KCTD8: variants seen among roughly 807,000 people sequenced by gnomAD.
KCTD8 encodes BTB/POZ domain-containing protein KCTD8.
In KCTD8, 27 loss-of-function variants were observed where a neutral mutation model predicts 31.5. The observed-to-expected ratio is 0.86, with a 90% CI of 0.63 to 1.18. The LOEUF is 1.18. Ranked by LOEUF, KCTD8 falls within the 50% of genes most tolerant of loss-of-function variation. KCTD8 has a pLI of 0.00. For missense variants in KCTD8, 658 were observed against 647.7 expected, an observed-to-expected ratio of 1.02 and a Z score of -0.17; for synonymous variants, 290 against 280.0, an observed-to-expected ratio of 1.04 and a Z score of -0.36.
intron 1 of KCTD8, among the ~76,000 whole-genome samples, chr4:44,358,283 A>G (rs748200596): frequency 2.6e-5 from 4 of 152,070 alleles, no homozygotes; most frequent in Admixed American, 2.6e-4. Flanking sequence ...CATTTTCTTT[A>G]TCCAGTCTAT....
intron 1 of KCTD8, among the ~76,000 whole-genome samples, chr4:44,206,556 G>A (rs142162725): frequency 1.3e-5 from 2 of 152,260 alleles, no homozygotes; most frequent in Non-Finnish European, 2.9e-5. Flanking sequence ...GTGACCCAAG[G>A]GCTGCGTAAA....
In KCTD8 at chr4:44,177,140, T is replaced by C. The variant is rs142652286; in HGVS notation, c.962-1890A>G. Among the ~76,000 whole-genome samples the C allele has an allele frequency of 2.8e-3, 432 of 152,320 alleles. 3 individuals carry two copies. Among genetic ancestry groups the C allele is most frequent in the South Asian group, 5.8e-3 (28 of 4,822 alleles). ...AAAATGCACTGCTAACACTCTGTGC[T>C]GGACTTACCCAGATCCATTCTCTAT... On this transcript the variant is annotated intron_variant, in intron 1 of 1. Transcript: ENST00000360029.
chr4:44,177,142 G>A (rs1713240721), intron 1 of KCTD8, among the ~76,000 whole-genome samples: 1 of 152,096 alleles, frequency 6.6e-6, no homozygotes, highest in South Asian at 2.1e-4. Context: ...CTCTGTGCTG[G>A]ACTTACCCAG....
chr4:44,217,306 T>C (rs930645396), intron 1 of KCTD8, among the ~76,000 whole-genome samples: 8 of 152,126 alleles, frequency 5.3e-5, no homozygotes, highest in African/African-American at 1.9e-4. Context: ...TAACAGGCCA[T>C]AGAAATAAGT....
intron 1 of KCTD8, among the ~76,000 whole-genome samples, chr4:44,336,083 G>A (rs1482537934): frequency 1.4e-5 from 2 of 142,418 alleles, no homozygotes; most frequent in Non-Finnish European, 3.0e-5. Flanking sequence ...CCGGGAGGCG[G>A]AGCTTGCAGT....
chr4:44,383,443 G>T (rs1302493136), intron 1 of KCTD8, among the ~76,000 whole-genome samples: 1 of 152,034 alleles, frequency 6.6e-6, no homozygotes, highest in East Asian at 1.9e-4. Context: ...AACCAAACCA[G>T]CATGGTACTG....
intron 1 of KCTD8, among the ~76,000 whole-genome samples, chr4:44,379,887 A>C (rs1337455364): frequency 6.6e-6 from 1 of 152,044 alleles, no homozygotes; most frequent in Non-Finnish European, 1.5e-5. Flanking sequence ...AAAGCCTAAA[A>C]TTTTTAGTGG....
At chr4:44,183,762 CTT>C (rs970597591) in intron 1 of KCTD8, among the ~76,000 whole-genome samples, 2 of 151,620 alleles carry the variant, frequency 1.3e-5, no homozygotes, top group African/African-American at 4.8e-5. Flanking sequence ...AAAAAAAAAA[CTT>C]TTCATTTTAA....
chr4:44,212,841 T>C (rs1437509089), intron 1 of KCTD8, among the ~76,000 whole-genome samples: 2 of 152,224 alleles, frequency 1.3e-5, no homozygotes, highest in South Asian at 2.1e-4. Context: ...TTGTGATTAC[T>C]GACAATAACT....
At chr4:44,446,419 A>AT (rs370541500) in intron 1 of KCTD8, among the ~76,000 whole-genome samples, 176 of 152,310 alleles carry the variant, frequency 1.2e-3, no homozygotes, top group African/African-American at 4.2e-3. Context: ...CCTTTGCCAA[A>AT]TAATGTTCCT....
chr4:44,268,431 A>G (rs1015736443), intron 1 of KCTD8, among the ~76,000 whole-genome samples: 9 of 152,192 alleles, frequency 5.9e-5, no homozygotes, highest in Non-Finnish European at 1.0e-4. Context: ...ACCCACAGCC[A>G]ATATCATACT....
intron 1 of KCTD8, among the ~76,000 whole-genome samples, chr4:44,250,679 A>G (rs763389742): frequency 6.6e-5 from 10 of 151,738 alleles, no homozygotes; most frequent in Non-Finnish European, 1.3e-4. Context: ...TATATTATTA[A>G]ACAGATTTTT....
intron 1 of KCTD8, among the ~76,000 whole-genome samples, chr4:44,275,648 G>A (rs953317680): frequency 3.3e-5 from 5 of 152,046 alleles, no homozygotes; most frequent in African/African-American, 1.2e-4. Flanking sequence ...ATCTTAAAAT[G>A]TAAATGCAAC....
chr4:44,211,806 T>C (rs1450563735), intron 1 of KCTD8, among the ~76,000 whole-genome samples: 2 of 152,128 alleles, frequency 1.3e-5, no homozygotes, highest in Admixed American at 6.5e-5. Context: ...ATCCCCAATG[T>C]TAGTAATCTG....
rs1577614805 is a variant in KCTD8 at position 44,321,256 on chromosome 4, A to G, written c.961+126307T>C. On this transcript the variant is annotated intron_variant, in intron 1 of 1. Transcript: ENST00000360029. ...ATCAGGAACAATGCTATTTTTGTGC[A>G]CTATTGTCCACCAAGGACCTTACAA... Among the ~76,000 whole-genome samples, 3 of 152,322 alleles carry G rather than the reference A, an allele frequency of 2.0e-5. No individual in the cohort carries two copies. In the Middle Eastern group the frequency reaches 0.01, roughly 518 times the overall value.
At chr4:44,421,038 A>T (rs185062043) in intron 1 of KCTD8, among the ~76,000 whole-genome samples, 2 of 152,140 alleles carry the variant, frequency 1.3e-5, no homozygotes, top group Admixed American at 1.3e-4. Flanking sequence ...TCTTTCCCTG[A>T]AGATTCTCTT....
chr4:44,232,602 C>T (rs973081138), intron 1 of KCTD8, among the ~76,000 whole-genome samples: 1 of 152,118 alleles, frequency 6.6e-6, no homozygotes, highest in Non-Finnish European at 1.5e-5. Context: ...AGTGTTTGTA[C>T]TTCCATAATA....
intron 1 of KCTD8, among the ~76,000 whole-genome samples, chr4:44,418,326 A>G (rs1195372001): frequency 6.6e-6 from 1 of 152,214 alleles, no homozygotes; most frequent in African/African-American, 2.4e-5. Flanking sequence ...AATGGGCAGT[A>G]CAGAAATTGA....
chr4:44,448,510 T>A lies in KCTD8; in HGVS notation c.14A>T (p.Asp5Val), dbSNP rs1338603412. The change falls in exon 1 of 2, where the codon GAC (aspartate) becomes GTC (valine). Residue 5 changes from aspartate (D) to valine (V), a missense_variant. Coordinates refer to ENST00000360029, the MANE Select transcript of KCTD8 (RefSeq NM_198353.3). This position sits in a 1 kb window ranked among gnomAD's most constrained non-coding sequence, Gnocchi z 4.1. ...GATGGTGCTGCCGCCGCTGCCCGTGTCCTTCAGAGCCATAGTCCCCCCGCC... is the reference window on the plus strand; with the variant it reads ...GATGGTGCTGCCGCCGCTGCCCGTGACCTTCAGAGCCATAGTCCCCCCGCC... MALK[D>V]TGSGGSTILP... 5 of 1,487,832 alleles carry A rather than the reference T, an allele frequency of 3.4e-6. No homozygotes were observed. Among genetic ancestry groups the A allele is most frequent in the African/African-American group, 1.4e-5 (1 of 70,020 alleles). 92.2% of individuals were successfully genotyped at this position (1,487,832 alleles called of 1,614,324 possible).
Sources: allele counts gnomAD v4.1 joint callset (sites outside exome capture counted in the v4.1 genomes callset), GRCh38; gene constraint gnomAD v4.1.1; non-coding constraint Gnocchi (gnomAD v3.1); transcripts MANE v1.5; gene names NCBI Gene and HGNC (gene_info 2026-07-23, HGNC 2026-07-21).